The following WDPCP variants were observed in gnomAD, a reference collection of about 807,000 sequenced individuals.
The protein encoded by WDPCP is WD repeat-containing and planar cell polarity effector protein fritz homolog.
A neutral mutation model predicts 93.1 loss-of-function variants in WDPCP; 71 were observed. The ratio of observed to expected loss-of-function variants is 0.76; its 90% CI spans 0.63 to 0.93. The LOEUF is 0.93. Among genes scored for constraint, WDPCP ranks in the 40% least tolerant of loss-of-function variants. The pLI is 0.00. For synonymous variants in WDPCP, 315 were observed against 315.0 expected (o/e 1.00, Z 0.00); for missense variants, 844 against 887.4 (o/e 0.95, Z 0.62).
At chr2:63,220,137 T>A (rs1489254000) in intron 14 of WDPCP, among the ~76,000 whole-genome samples, 1 of 152,208 alleles carries the variant, frequency 6.6e-6, no homozygotes, top group East Asian at 1.9e-4. Flanking sequence ...AGGCATAGAT[T>A]TGGGTAGCTG....
chr2:63,444,697 G>A (rs566827925), intron 6 of WDPCP, among the ~76,000 whole-genome samples: 9 of 152,246 alleles, frequency 5.9e-5, no homozygotes, highest in East Asian at 1.9e-4. Context: ...GAAAAGACCC[G>A]CAGGATGAAC....
At position 63,807,159 on chromosome 2, in the gene WDPCP, T is replaced by C. The variant is rs796898402; in HGVS notation, n.308+6463A>G. Among the ~76,000 whole-genome samples the C allele has an allele frequency of 4.5e-4, 69 of 152,334 alleles. 1 individual carries two copies. The highest frequency in any genetic ancestry group is 1.6e-3 in the African/African-American group (66 of 41,568). On this transcript the variant is annotated intron_variant and non_coding_transcript_variant, in intron 2 of 4. Transcript: ENST00000467687. ...ATAAATGTCCATGAAATCTTCACAA[T>C]CTATGTTCTTCTGCCATGGCTTCAG...
chr2:63,199,741 C>T (rs548893296), intron 14 of WDPCP, among the ~76,000 whole-genome samples: 6 of 152,212 alleles, frequency 3.9e-5, no homozygotes, highest in African/African-American at 1.2e-4. Flanking sequence ...GGGTTGGAGG[C>T]CCCCCAACCG....
chr2:63,559,267 G>A (rs1706387944), intron 1 of WDPCP, among the ~76,000 whole-genome samples: 1 of 152,098 alleles, frequency 6.6e-6, no homozygotes, highest in African/African-American at 2.4e-5. Flanking sequence ...GGTATTGATG[G>A]AATCTATCTC....
At chr2:63,552,156 G>A (rs1319860162) in intron 1 of WDPCP, among the ~76,000 whole-genome samples, 3 of 145,860 alleles carry the variant, frequency 2.1e-5, no homozygotes, top group Non-Finnish European at 1.5e-5. Flanking sequence ...TTCTATTATA[G>A]TACCCAAAAA....
Position 63,228,987 on chromosome 2 carries a change from A to G in WDPCP, c.1915+30320T>C, listed in dbSNP as rs1005986574. On this transcript the variant is annotated intron_variant, in intron 14 of 17. Transcript: ENST00000272321. ...TGGGTCAAATGGTATTTCTAGTTCC[A>G]GATCCCTGAGGAATCGCCACACTGA... 42 of 152,304 alleles carry G rather than the reference A, an allele frequency of 2.8e-4. 3 individuals carry two copies. Among genetic ancestry groups the G allele is most frequent in the East Asian group, 2.3e-3 (12 of 5,182 alleles). 9.4% of individuals were successfully genotyped at this position (152,304 alleles called of 1,614,324 possible). A position where few individuals can be genotyped will look rare whatever the true frequency, so the allele number is the denominator to read the frequency against.
chr2:63,491,478 G>A (rs566627633), intron 2 of WDPCP, among the ~76,000 whole-genome samples: 6 of 152,154 alleles, frequency 3.9e-5, no homozygotes, highest in Admixed American at 1.3e-4. Context: ...CTTCTTTCTC[G>A]GGTCTTGCAG....
intron 12 of WDPCP, among the ~76,000 whole-genome samples, chr2:63,355,451 G>A (rs1413540066): frequency 1.3e-5 from 2 of 152,162 alleles, no homozygotes; most frequent in Non-Finnish European, 2.9e-5. Context: ...CTTGAAAGGA[G>A]CATTAAATAT....
the WDPCP span, among the ~76,000 whole-genome samples, chr2:63,838,868 T>C: frequency 6.6e-6 from 1 of 152,230 alleles, no homozygotes; most frequent in Non-Finnish European, 1.5e-5. Context: ...TTGTTCTTAG[T>C]GGCTCTGAGA....
chr2:63,376,431 A>G (rs1691858423), intron 12 of WDPCP, among the ~76,000 whole-genome samples: 1 of 151,956 alleles, frequency 6.6e-6, no homozygotes, highest in African/African-American at 2.4e-5. Flanking sequence ...CAAAAAATTC[A>G]CATTAGTAGA....
chr2:63,763,563 A>G (rs1370926459), intron 2 of WDPCP, among the ~76,000 whole-genome samples: 2 of 152,146 alleles, frequency 1.3e-5, no homozygotes, highest in Non-Finnish European at 2.9e-5. Flanking sequence ...TAAGAATAAC[A>G]TAACTCATGA....
intron 1 of WDPCP, among the ~76,000 whole-genome samples, chr2:63,532,107 G>C (rs752972389): frequency 1.4e-4 from 22 of 152,148 alleles, no homozygotes; most frequent in Non-Finnish European, 2.1e-4. Flanking sequence ...GAATAAAGGG[G>C]ATCAGGGACT....
At chr2:63,445,505 ACTAT>A (rs1697795675) in intron 6 of WDPCP, among the ~76,000 whole-genome samples, 1 of 152,216 alleles carries the variant, frequency 6.6e-6, no homozygotes, top group Admixed American at 6.5e-5. Flanking sequence ...AATCCTGCTA[ACTAT>A]ATTTCCATAA....
intron 2 of WDPCP, among the ~76,000 whole-genome samples, chr2:63,743,183 T>C (rs1158586436): frequency 6.6e-6 from 1 of 152,124 alleles, no homozygotes; most frequent in Non-Finnish European, 1.5e-5. Flanking sequence ...ACCTGCAAGT[T>C]GTTATTCCAA....
At chr2:63,392,430 C>A (rs4637094) in intron 10 of WDPCP, among the ~76,000 whole-genome samples, 85,688 of 151,966 alleles carry the variant, frequency 0.56, 24,499 homozygotes, top group Admixed American at 0.64. Context: ...AACCATAAAA[C>A]CCCTAGAAGA....
intron 13 of WDPCP, among the ~76,000 whole-genome samples, chr2:63,310,989 C>G (rs995765118): frequency 6.6e-6 from 1 of 152,170 alleles, no homozygotes; most frequent in African/African-American, 2.4e-5. Flanking sequence ...GATTTAGTAA[C>G]TTCCTATTGC....
At chr2:63,247,628 C>T (rs1288051036) in intron 14 of WDPCP, among the ~76,000 whole-genome samples, 2 of 150,674 alleles carry the variant, frequency 1.3e-5, no homozygotes, top group Non-Finnish European at 3.0e-5. Flanking sequence ...GACCTGGGTA[C>T]CATCCTCAAG....
At chr2:63,466,512 C>T (rs946337249) in intron 6 of WDPCP, among the ~76,000 whole-genome samples, 3 of 152,030 alleles carry the variant, frequency 2.0e-5, no homozygotes, top group African/African-American at 7.2e-5. Context: ...CTAACTTGTA[C>T]ATTTAATACA....
intron 12 of WDPCP, among the ~76,000 whole-genome samples, chr2:63,343,526 C>A (rs1280290287): frequency 6.6e-6 from 1 of 152,144 alleles, no homozygotes; most frequent in Non-Finnish European, 1.5e-5. Context: ...TGGTATTGAT[C>A]TTTGAGTTGA....
Sources: gnomAD v4.1 joint callset for allele counts (sites outside exome capture counted in the v4.1 genomes callset) on GRCh38, gnomAD v4.1.1 for gene constraint, MANE v1.5 for transcripts, NCBI Gene and HGNC (gene_info 2026-07-23, HGNC 2026-07-21) for gene names.